The following ADCK1 variants were observed in gnomAD, a reference collection of about 807,000 sequenced individuals.
The protein encoded by ADCK1 is aarF domain-containing protein kinase 1.
In ADCK1, 41 loss-of-function variants were observed where a neutral mutation model predicts 52.3. That is an observed-to-expected ratio of 0.78 (90% CI 0.61 to 1.02). The LOEUF (loss-of-function observed/expected upper bound fraction) is 1.02, where lower values mean the gene tolerates loss of function less well. Ranked by LOEUF, ADCK1 falls within the 50% of genes least tolerant of loss-of-function variation. The probability of loss-of-function intolerance (pLI) is 0.00; values close to 1 mark genes in which losing one functional copy is unlikely to be tolerated. For missense variants in ADCK1, 658 were observed against 679.5 expected, an observed-to-expected ratio of 0.97 and a Z score of 0.35; for synonymous variants, 250 against 274.6, an observed-to-expected ratio of 0.91 and a Z score of 0.89.
At chr14:77,900,666 G>A (rs961944595) in intron 6 of ADCK1, 6 of 448,032 alleles carry the variant, frequency 1.3e-5, no homozygotes, top group Non-Finnish European at 2.2e-5. Context: ...GACTCGCAGC[G>A]ATGTCGAGGT....
chr14:77,887,020 C>T (rs2083169676), intron 4 of ADCK1, 71 bp from the exon 5 acceptor site: 12 of 1,475,198 alleles, frequency 8.1e-6, no homozygotes, highest in Non-Finnish European at 1.1e-5. Context: ...TGACTCTGGC[C>T]CATCTTCCTG....
intron 9 of ADCK1, among the ~76,000 whole-genome samples, chr14:77,926,773 G>A (rs1035718034): frequency 6.6e-6 from 1 of 152,180 alleles, no homozygotes; most frequent in African/African-American, 2.4e-5. Context: ...AGTCTGGGCT[G>A]GGAGACACAT....
rs770999611 is a variant in ADCK1, at chr14:77,925,906, G to C, written c.1151G>C (p.Arg384Pro). Residue 384 changes from arginine to proline, a missense_variant, in exon 9 of 11, where the codon CGA (arginine) becomes CCA (proline). Arg to Pro is a moderately radical substitution (Grantham distance 103). Coordinates refer to ENST00000238561, the MANE Select transcript of ADCK1 (RefSeq NM_020421.4). ...TTGTTTGCCTGCATGCTGACGGCGC[G>C]ATCGTGGGACTCGGTCAACAGAGGC... is the stretch of plus-strand genomic sequence containing the variant. ...YPLFACMLTA[R>P]SWDSVNRGIS... is the part of the protein sequence containing the mutation. The C allele has an allele frequency of 1.9e-6, 3 of 1,614,206 alleles. No homozygotes were observed. In the East Asian group the frequency reaches 6.7e-5, roughly 36 times the overall value.
rs74063675 is a variant in ADCK1, at chr14:77,808,457, G to A, written c.-12+8287G>A. Among the ~76,000 whole-genome samples, 1,275 of 152,326 alleles carry A rather than the reference G, an allele frequency of 8.4e-3. 17 individuals are homozygous for A. The highest frequency in any genetic ancestry group is 0.029 in the African/African-American group (1,207 of 41,562). On this transcript the variant is annotated intron_variant, in intron 1 of 10. Coordinates refer to ENST00000238561, the MANE Select transcript of ADCK1 (RefSeq NM_020421.4). ...GATCAATCACATTGAGGAACTGGGA[G>A]GAGGTAGAGAACTGAAACTGTCAAG...
intron 7 of ADCK1, among the ~76,000 whole-genome samples, chr14:77,917,074 A>G (rs1156668731): frequency 1.3e-5 from 2 of 152,170 alleles, no homozygotes; most frequent in Non-Finnish European, 2.9e-5. Context: ...CAAAAAAATA[A>G]ATTAGCTGGG....
At chr14:77,849,674 A>T (rs1397198478) in intron 3 of ADCK1, among the ~76,000 whole-genome samples, 2 of 150,340 alleles carry the variant, frequency 1.3e-5, no homozygotes, top group Non-Finnish European at 3.0e-5. Context: ...CTGCTCTCGA[A>T]CTCCTGGCCT....
intron 1 of ADCK1, among the ~76,000 whole-genome samples, chr14:77,806,930 G>T (rs1320733696): frequency 6.6e-6 from 1 of 151,798 alleles, no homozygotes; most frequent in Non-Finnish European, 1.5e-5. Flanking sequence ...GCCTGAGCTG[G>T]TCTTGAACTC....
chr14:77,819,097 G>A lies in ADCK1; in HGVS notation c.119G>A (p.Gly40Asp), dbSNP rs1174992850. 3 of 1,607,850 alleles carry A rather than the reference G, an allele frequency of 1.9e-6. No individual in the cohort carries two copies. Among genetic ancestry groups the A allele is most frequent in the Non-Finnish European group, 2.5e-6 (3 of 1,177,996 alleles). ...DPNDFGAVRV[G>D]RAVATTAVIS... is the part of the protein sequence containing the mutation. Reference sequence around the variant, plus strand: ...AATGACTTTGGCGCTGTCAGGGTGGGCAGAGCAGTTGCTACGGTAGGTTTT... The same window carrying A: ...AATGACTTTGGCGCTGTCAGGGTGGACAGAGCAGTTGCTACGGTAGGTTTT... The change falls in exon 2 of 11, where the codon GGC becomes GAC. Residue 40 changes from glycine to aspartate, a missense_variant. Coordinates refer to ENST00000238561, the MANE Select transcript of ADCK1 (RefSeq NM_020421.4).
chr14:77,860,184 G>C (rs1463182267), intron 4 of ADCK1, among the ~76,000 whole-genome samples: 1 of 152,170 alleles, frequency 6.6e-6, no homozygotes, highest in Non-Finnish European at 1.5e-5. Flanking sequence ...CCCTGCACTT[G>C]TGCAACTTGT....
intron 4 of ADCK1, among the ~76,000 whole-genome samples, chr14:77,877,244 G>A (rs2082920891): frequency 6.6e-6 from 1 of 152,168 alleles, no homozygotes; most frequent in African/African-American, 2.4e-5. Context: ...AAGGGCTTTG[G>A]TATTTACTTG....
chr14:77,849,328 C>A (rs747744202), intron 3 of ADCK1, among the ~76,000 whole-genome samples: 12 of 152,228 alleles, frequency 7.9e-5, no homozygotes, highest in Non-Finnish European at 1.5e-4. Context: ...CCCGCCTTGG[C>A]CTTCCAATAT....
At position 77,835,085 on chromosome 14, in the gene ADCK1, G is replaced by A. The variant is rs962002606; in HGVS notation, c.219+12567G>A. On this transcript the variant is annotated intron_variant, in intron 3 of 10. Coordinates refer to ENST00000238561, the MANE Select transcript of ADCK1 (RefSeq NM_020421.4). ...GATGTGGCAACATCATGAGAGATGC[G>A]GGGTAGGCATAAGCTAGGACTTCCC... Among the ~76,000 whole-genome samples, 7 of 152,244 alleles carry A rather than the reference G, an allele frequency of 4.6e-5. No homozygotes were observed. The South Asian group carries it at 1.2e-3, about 27-fold the overall frequency.
Position 77,933,569 on chromosome 14 carries a change from G to GACAA in ADCK1, c.*178_*179insACAA. ...TCCGCACACTGTGGCCCTTGTCTCA[G>GACAA]GGCCCACAAGCTGAACTGTGGCATA... On this transcript the variant is annotated 3_prime_UTR_variant, in exon 11 of 11. Transcript: ENST00000238561. 4.4e-6 allele frequency: 3 copies of GACAA among 677,518 alleles called. No homozygotes were observed. The highest frequency in any genetic ancestry group is 7.4e-6 in the Non-Finnish European group (3 of 408,114). The allele number at this position is 677,518 out of a possible 1,614,324, so 42.0% of individuals were successfully genotyped here.
At chr14:77,821,838 C>T (rs1307704594) in intron 2 of ADCK1, among the ~76,000 whole-genome samples, 2 of 139,192 alleles carry the variant, frequency 1.4e-5, no homozygotes, top group African/African-American at 2.7e-5. Flanking sequence ...CCAAGATCAC[C>T]GAGATCATGC....
At chr14:77,804,161 G>A (rs1338564491) in intron 1 of ADCK1, among the ~76,000 whole-genome samples, 1 of 152,184 alleles carries the variant, frequency 6.6e-6, no homozygotes, top group East Asian at 1.9e-4. Context: ...TGTAAGGTAT[G>A]TACTGTTAGG....
At chr14:77,904,558 G>C (rs2083615604) in intron 6 of ADCK1, among the ~76,000 whole-genome samples, 1 of 152,268 alleles carries the variant, frequency 6.6e-6, no homozygotes, top group Non-Finnish European at 1.5e-5. Context: ...GTTGACCAAA[G>C]CATAGAAACA....
Position 77,925,887 on chromosome 14 carries a change from G to A in ADCK1, c.1132G>A (p.Ala378Thr), listed in dbSNP as rs200288157. ...LGAGDLYPLF[A>T]CMLTARSWDS... ...AGCCGGGGATCTCTACCCCTTGTTT[G>A]CCTGCATGCTGACGGCGCGATCGTG... Residue 378 changes from alanine (A) to threonine (T), a missense_variant, in exon 9 of 11, where the codon GCC (alanine) becomes ACC (threonine). Transcript: ENST00000238561. 1.2e-6 allele frequency: 2 copies of A among 1,614,104 alleles called. No individual in the cohort carries two copies. Among genetic ancestry groups the A allele is most frequent in the Admixed American group, 1.7e-5 (1 of 60,012 alleles).
At chr14:77,843,084 G>T (rs994647222) in intron 3 of ADCK1, among the ~76,000 whole-genome samples, 2 of 151,810 alleles carry the variant, frequency 1.3e-5, no homozygotes, top group African/African-American at 4.8e-5. Context: ...TAGACATGGG[G>T]TCTTACTAAG....
chr14:77,840,599 G>A (rs1245877474), intron 3 of ADCK1, among the ~76,000 whole-genome samples: 1 of 152,132 alleles, frequency 6.6e-6, no homozygotes, highest in Non-Finnish European at 1.5e-5. Context: ...TGTAATCCCA[G>A]CACTTTGGGA....
Sources: allele counts gnomAD v4.1 joint callset (sites outside exome capture counted in the v4.1 genomes callset), GRCh38; gene constraint gnomAD v4.1.1; transcripts MANE v1.5; gene names NCBI Gene and HGNC (gene_info 2026-07-23, HGNC 2026-07-21).